MAGI2: variants seen among roughly 807,000 people sequenced by gnomAD.
MAGI2 encodes the protein membrane associated guanylate kinase, WW and PDZ domain containing 2, also known as membrane-associated guanylate kinase, WW and PDZ domain-containing protein 2.
A neutral mutation model predicts 133.3 loss-of-function variants in MAGI2; 35 were observed. The observed-to-expected ratio is 0.26, with a 90% CI of 0.20 to 0.35. The LOEUF is 0.35. Among genes scored for constraint, MAGI2 ranks in the 10% least tolerant of loss-of-function variants. MAGI2 has a pLI of 1.00. For synonymous variants in MAGI2, 729 were observed against 710.6 expected (o/e 1.03, Z -0.41); for missense variants, 1,636 against 1,863.4 (o/e 0.88, Z 2.25).
intron 2 of MAGI2, among the ~76,000 whole-genome samples, chr7:78,774,440 A>C (rs1025027615): frequency 2.0e-5 from 3 of 152,114 alleles, no homozygotes; most frequent in African/African-American, 7.2e-5. Context: ...GCCACTAAAA[A>C]CCAAGAATCC....
chr7:79,258,124 G>C (rs1394919057), intron 1 of MAGI2, among the ~76,000 whole-genome samples: 1 of 152,250 alleles, frequency 6.6e-6, no homozygotes, highest in African/African-American at 2.4e-5. Flanking sequence ...TAGTACATAA[G>C]GGGTTGTATG....
intron 6 of MAGI2, among the ~76,000 whole-genome samples, chr7:78,416,062 G>A (rs112644870): frequency 3.9e-5 from 6 of 152,064 alleles, no homozygotes; most frequent in Admixed American, 2.6e-4. Flanking sequence ...CATGGATTTC[G>A]GCTGCCTGAG....
intron 2 of MAGI2, among the ~76,000 whole-genome samples, chr7:78,887,322 C>G (rs1190710469): frequency 6.6e-6 from 1 of 152,160 alleles, no homozygotes; most frequent in African/African-American, 2.4e-5. Flanking sequence ...TAGTTTAGGT[C>G]AGTTATCTTC....
At chr7:78,290,397 C>T (rs2151037910) in intron 9 of MAGI2, among the ~76,000 whole-genome samples, 1 of 152,306 alleles carries the variant, frequency 6.6e-6, no homozygotes, top group East Asian at 1.9e-4. Flanking sequence ...GAAGAGCTAA[C>T]TATCCTAAAT....
chr7:78,299,909 G>A (rs1797685585), intron 9 of MAGI2, among the ~76,000 whole-genome samples: 1 of 152,010 alleles, frequency 6.6e-6, no homozygotes, highest in Non-Finnish European at 1.5e-5. Flanking sequence ...AAAAAAGTAT[G>A]GAAACTGCAT....
chr7:79,134,978 T>C (rs1245080292), intron 1 of MAGI2, among the ~76,000 whole-genome samples: 2 of 152,128 alleles, frequency 1.3e-5, no homozygotes, highest in Non-Finnish European at 2.9e-5. Context: ...AGATGGATAG[T>C]GTTATGGGGT....
At chr7:78,951,718 C>G (rs1211151550) in intron 2 of MAGI2, among the ~76,000 whole-genome samples, 1 of 152,104 alleles carries the variant, frequency 6.6e-6, no homozygotes, top group East Asian at 1.9e-4. Context: ...ATCTCTTCAT[C>G]CAACCAAAAA....
intron 2 of MAGI2, among the ~76,000 whole-genome samples, chr7:78,853,278 C>G (rs996389590): frequency 2.7e-5 from 4 of 149,100 alleles, no homozygotes; most frequent in Admixed American, 6.7e-5. Context: ...TATCAGCCTC[C>G]CATTAACCCA....
At chr7:78,161,777 A>G (rs1825046185) in intron 15 of MAGI2, among the ~76,000 whole-genome samples, 1 of 151,912 alleles carries the variant, frequency 6.6e-6, no homozygotes, top group Non-Finnish European at 1.5e-5. Flanking sequence ...CAATTACAGA[A>G]TGAATGAGAC....
At chr7:79,393,838 G>A (rs145578060) in intron 1 of MAGI2, among the ~76,000 whole-genome samples, 8 of 152,202 alleles carry the variant, frequency 5.3e-5, no homozygotes, top group Non-Finnish European at 1.0e-4. Flanking sequence ...GGCAGTTCCC[G>A]CTTCCCTAAA....
intron 21 of MAGI2, chr7:78,026,076 T>A (rs565491845): frequency 1.3e-5 from 2 of 152,734 alleles, no homozygotes; most frequent in East Asian, 3.9e-4. Context: ...ACCCTTCCTA[T>A]TGTCAGTTCT....
intron 9 of MAGI2, among the ~76,000 whole-genome samples, chr7:78,329,876 G>T (rs1176104252): frequency 6.6e-6 from 1 of 152,166 alleles, no homozygotes; most frequent in Admixed American, 6.5e-5. Context: ...TCAGCTGCCA[G>T]TCTGCCAACA....
chr7:79,085,552 T>C (rs1461425007), intron 1 of MAGI2, among the ~76,000 whole-genome samples: 1 of 151,924 alleles, frequency 6.6e-6, no homozygotes, highest in Non-Finnish European at 1.5e-5. Flanking sequence ...TTTTTTTGCA[T>C]AAATAATAAT....
intron 2 of MAGI2, among the ~76,000 whole-genome samples, chr7:78,817,723 T>C (rs1423362839): frequency 6.6e-6 from 1 of 152,146 alleles, no homozygotes; most frequent in Non-Finnish European, 1.5e-5. Context: ...ACTTTTTTTT[T>C]TTTTTAGCTG....
At chr7:79,330,910 C>A (rs989758696) in intron 1 of MAGI2, among the ~76,000 whole-genome samples, 1 of 151,914 alleles carries the variant, frequency 6.6e-6, no homozygotes, top group Non-Finnish European at 1.5e-5. Flanking sequence ...CTACTTCTAC[C>A]CTATTTTATT....
chr7:78,558,836 C>CA (rs1284206237), intron 3 of MAGI2, among the ~76,000 whole-genome samples: 5 of 98,620 alleles, frequency 5.1e-5, no homozygotes, highest in East Asian at 3.8e-4. Flanking sequence ...TTTGAGACAC[C>CA]GTTTTTTTTT....
intron 1 of MAGI2, chr7:79,177,145 T>C (rs553425140): frequency 1.8e-4 from 28 of 152,126 alleles, no homozygotes; most frequent in African/African-American, 5.8e-4. Context: ...GTAATCTTAA[T>C]AGAAAAATAG....
Position 78,132,992 on chromosome 7 carries a change from C to G in MAGI2, c.3100G>C (p.Ala1034Pro). 6.2e-7 allele frequency: 1 copy of G among 1,611,272 alleles called. No individual in the cohort carries two copies. Among genetic ancestry groups the G allele is most frequent in the Non-Finnish European group, 8.5e-7 (1 of 1,179,048 alleles). The change falls in exon 18 of 22, where the codon GCA becomes CCA. Residue 1034 changes from alanine to proline, a missense_variant. By Grantham distance (27) the Ala-to-Pro change is conservative. Transcript: ENST00000354212. The part of the protein sequence containing the change: ...QSPMAQQSPL[A>P]QQSPLAQPSP... ...GGCTGGGCCAGGGGACTCTGCTGTG[C>G]CAGGGGACTCTGCTGCGCCATGGGA...
intron 3 of MAGI2, among the ~76,000 whole-genome samples, chr7:78,625,055 G>A (rs111518728): frequency 0.046 from 7,038 of 152,148 alleles, 233 homozygotes; most frequent in East Asian, 0.08. Flanking sequence ...AAGATGTGAA[G>A]GTGGAAGACA....
Sources: gnomAD v4.1 joint callset for allele counts (sites outside exome capture counted in the v4.1 genomes callset) on GRCh38, gnomAD v4.1.1 for gene constraint, MANE v1.5 for transcripts, NCBI Gene and HGNC (gene_info 2026-07-23, HGNC 2026-07-21) for gene names.